LZTS1: variants seen among roughly 807,000 people sequenced by gnomAD.
The protein encoded by LZTS1 is leucine zipper tumor suppressor 1.
A neutral mutation model predicts 45.8 loss-of-function variants in LZTS1; 31 were observed. The ratio of observed to expected loss-of-function variants is 0.68; its 90% CI spans 0.51 to 0.91. The LOEUF is 0.91. Among genes scored for constraint, LZTS1 ranks in the 40% least tolerant of loss-of-function variants. The pLI is 0.00. For synonymous variants in LZTS1, 359 were observed against 357.3 expected (o/e 1.00, Z -0.05); for missense variants, 821 against 788.9 (o/e 1.04, Z -0.49).
chr8:20,250,822 T>A (rs2128891304), intron 3 of LZTS1, among the ~76,000 whole-genome samples: 1 of 151,930 alleles, frequency 6.6e-6, no homozygotes, highest in South Asian at 2.1e-4. Flanking sequence ...TGATCTCGAA[T>A]TCCTGACCTC....
chr8:20,253,786 T>G (rs774176992), intron 2 of LZTS1, among the ~76,000 whole-genome samples: 6 of 152,184 alleles, frequency 3.9e-5, no homozygotes, highest in Non-Finnish European at 8.8e-5. Context: ...GGAAAAACCC[T>G]AATGGCGACT....
chr8:20,258,290 G>A (rs1390738428), intron 1 of LZTS1, among the ~76,000 whole-genome samples: 1 of 152,150 alleles, frequency 6.6e-6, no homozygotes, highest in Non-Finnish European at 1.5e-5. Flanking sequence ...TCCTAAAGGG[G>A]CTAAAGAAAT....
intron 2 of LZTS1, 58 bp downstream of exon 2, chr8:20,254,779 C>T: frequency 7.1e-7 from 1 of 1,404,972 alleles, no homozygotes; most frequent in Non-Finnish European, 9.6e-7. Flanking sequence ...TCTCCACCCC[C>T]ATTTTGCTTT....
chr8:20,275,557 G>T (rs1449970904), intron 1 of LZTS1, among the ~76,000 whole-genome samples: 2 of 151,962 alleles, frequency 1.3e-5, no homozygotes, highest in African/African-American at 4.8e-5. Context: ...AGGCATAGGT[G>T]AGGGAATCCT....
rs1043885919 is a variant in LZTS1 at position 20,249,718 on chromosome 8, C to T, written c.*4G>A. On this transcript the variant is annotated 3_prime_UTR_variant, in exon 4 of 4. Transcript: ENST00000381569. ...TCCCCAGACTCGCCTTCCCAGGCAG[C>T]CCCTCAGATCTCAGTGGCTATGATG... The T allele has an allele frequency of 3.8e-6, 6 of 1,591,968 alleles. No homozygotes were observed. Among genetic ancestry groups the T allele is most frequent in the South Asian group, 1.1e-5 (1 of 90,028 alleles).
At chr8:20,287,307 C>G (rs993591736) in intron 1 of LZTS1, among the ~76,000 whole-genome samples, 1 of 152,250 alleles carries the variant, frequency 6.6e-6, no homozygotes, top group East Asian at 1.9e-4. Context: ...CAGCTCCTCA[C>G]TGGAGCTTCG....
At position 20,249,944 on chromosome 8, in the gene LZTS1, C is replaced by T. The variant is rs766597097; in HGVS notation, c.1569G>A (p.Ser523=). ...EERQGHDQMS[S]GFQHERLVWK... ...ACACGAGCCGCTCATGCTGGAAGCCCGAGGACATCTGGTCATGGCCTTGCC... is the reference window on the plus strand; with the variant it reads ...ACACGAGCCGCTCATGCTGGAAGCCTGAGGACATCTGGTCATGGCCTTGCC... Residue 523 remains serine, a synonymous_variant, in exon 4 of 4, where the codon TCG becomes TCA. Coordinates refer to ENST00000381569, the MANE Select transcript of LZTS1 (RefSeq NM_021020.5). The T allele has an allele frequency of 4.3e-6, 7 of 1,614,042 alleles. No individual in the cohort carries two copies. The highest frequency in any genetic ancestry group is 4.0e-5 in the African/African-American group (3 of 74,938).
intron 1 of LZTS1, among the ~76,000 whole-genome samples, chr8:20,298,052 CT>C (rs908717124): frequency 5.9e-5 from 9 of 151,272 alleles, no homozygotes; most frequent in Non-Finnish European, 1.2e-4. Flanking sequence ...TTTCACCTTT[CT>C]TTTTTTTTGT....
rs745950698 is a variant in LZTS1 at position 20,250,137 on chromosome 8, T to C, written c.1376A>G (p.Asn459Ser). Residue 459 changes from asparagine (N) to serine (S), a missense_variant, in exon 4 of 4, where the codon AAC becomes AGC. Physicochemically the swap from Asn to Ser is conservative, Grantham distance 46 (BLOSUM62 1). Transcript: ENST00000381569. The part of the protein sequence containing the change: ...VCENELQRKK[N>S]EAELLREKVN... ...CTTCTCCCGCAGCAGCTCCGCCTCGTTCTTCTTGCGCTGCAGCTCATTCTC... is the reference window on the plus strand; with the variant it reads ...CTTCTCCCGCAGCAGCTCCGCCTCGCTCTTCTTGCGCTGCAGCTCATTCTC... 2 of 1,608,326 alleles carry C rather than the reference T, an allele frequency of 1.2e-6. No homozygotes were observed. Among genetic ancestry groups the C allele is most frequent in the Admixed American group, 3.3e-5 (2 of 59,916 alleles).
chr8:20,255,599 A>T (rs139226336), intron 1 of LZTS1, among the ~76,000 whole-genome samples: 106 of 152,274 alleles, frequency 7.0e-4, no homozygotes, highest in African/African-American at 2.4e-3. Context: ...TGGTGTGGAG[A>T]GGCCAGAAGC....
At chr8:20,297,366 A>G (rs896590099) in intron 1 of LZTS1, among the ~76,000 whole-genome samples, 1 of 152,218 alleles carries the variant, frequency 6.6e-6, no homozygotes, top group Admixed American at 6.5e-5. Context: ...GCAAATGCCA[A>G]GTAGACATTC....
rs968001896 is a variant in LZTS1, at chr8:20,247,869, C to T, written c.*1853G>A. 2.6e-5 allele frequency: 4 copies of T among 152,860 alleles called. No homozygotes were observed. Among genetic ancestry groups the T allele is most frequent in the African/African-American group, 4.8e-5 (2 of 41,450 alleles). 9.5% of individuals were successfully genotyped at this position (152,860 alleles called of 1,614,324 possible). On this transcript the variant is annotated 3_prime_UTR_variant, in exon 4 of 4. Transcript: ENST00000381569. ...GCAAGTTCCCAGACGCTCCCCTCCT[C>T]ATCTCAGCAGGCAGCAGGCGCAGGC...
intron 1 of LZTS1, among the ~76,000 whole-genome samples, chr8:20,294,840 C>G (rs1357479274): frequency 1.3e-5 from 2 of 151,884 alleles, no homozygotes; most frequent in Non-Finnish European, 2.9e-5. Context: ...ACACAGGTAC[C>G]TACAGACACC....
intron 1 of LZTS1, among the ~76,000 whole-genome samples, chr8:20,300,434 G>A (rs147150728): frequency 0.076 from 11,527 of 151,876 alleles, 518 homozygotes; most frequent in East Asian, 0.11. Flanking sequence ...CCGGGTTCAC[G>A]CCATTCTCCT....
chr8:20,266,953 C>A (rs1046866258), intron 1 of LZTS1, among the ~76,000 whole-genome samples: 2 of 151,616 alleles, frequency 1.3e-5, no homozygotes, highest in African/African-American at 4.8e-5. Flanking sequence ...ACTAAAAATA[C>A]AAAAATTAGC....
chr8:20,287,937 C>G (rs1487004368), intron 1 of LZTS1, among the ~76,000 whole-genome samples: 1 of 148,706 alleles, frequency 6.7e-6, no homozygotes, highest in Non-Finnish European at 1.5e-5. Flanking sequence ...CTGGCTTCTT[C>G]CCCTTCCCTA....
At chr8:20,282,694 A>C (rs1251299242) in intron 1 of LZTS1, among the ~76,000 whole-genome samples, 1 of 152,210 alleles carries the variant, frequency 6.6e-6, no homozygotes, top group Non-Finnish European at 1.5e-5. Context: ...TGGCCCCTAC[A>C]TTCTATGTGC....
intron 1 of LZTS1, among the ~76,000 whole-genome samples, chr8:20,301,198 G>A (rs1801071290): frequency 6.6e-6 from 1 of 150,464 alleles, no homozygotes; most frequent in Admixed American, 6.6e-5. Context: ...AATATTCCAT[G>A]CAGAAGAAAC....
chr8:20,253,365 C>A lies in LZTS1; in HGVS notation c.566G>T (p.Ser189Ile). 6.2e-7 allele frequency: 1 copy of A among 1,613,484 alleles called. No individual in the cohort carries two copies. The change falls in exon 3 of 4, where the codon AGC (serine) becomes ATC (isoleucine). Residue 189 changes from serine (S) to isoleucine (I), a missense_variant. Coordinates refer to ENST00000381569, the MANE Select transcript of LZTS1 (RefSeq NM_021020.5). The stretch of plus-strand genomic sequence containing the variant: ...GACCAGCGGGTCCAGCTGGTAGCTG[C>A]TGCTGGTGCTGTGTGTGGGCAGGCT... ...MSSLPTHSTS[S>I]SYQLDPLVTP...
Sources: allele counts gnomAD v4.1 joint callset (sites outside exome capture counted in the v4.1 genomes callset), GRCh38; gene constraint gnomAD v4.1.1; transcripts MANE v1.5; gene names NCBI Gene and HGNC (gene_info 2026-07-23, HGNC 2026-07-21).